The following COL24A1 variants were observed in gnomAD, a reference collection of about 807,000 sequenced individuals.
COL24A1 encodes the protein collagen type XXIV alpha 1 chain, also known as collagen alpha-1(XXIV) chain.
In COL24A1, 224 loss-of-function variants were observed where a neutral mutation model predicts 253.9. The ratio of observed to expected loss-of-function variants is 0.88; its 90% CI spans 0.79 to 0.99. The LOEUF is 0.99. COL24A1 is among the 50% of genes least tolerant of loss of function. COL24A1 has a pLI of 0.00. For synonymous variants in COL24A1, 685 were observed against 673.7 expected (o/e 1.02, Z -0.26); for missense variants, 2,131 against 2,068.5 (o/e 1.03, Z -0.59).
chr1:85,977,914 A>C (rs2100829401), intron 20 of COL24A1, among the ~76,000 whole-genome samples: 1 of 152,308 alleles, frequency 6.6e-6, no homozygotes, highest in South Asian at 2.1e-4. Flanking sequence ...ATCACCACCT[A>C]GGCACACAGT....
At chr1:85,826,411 C>G (rs1674347445) in intron 43 of COL24A1, among the ~76,000 whole-genome samples, 1 of 130,742 alleles carries the variant, frequency 7.6e-6, no homozygotes, top group African/African-American at 2.8e-5. Flanking sequence ...GATGCGGGCT[C>G]TTTTTTGGTT....
At chr1:85,904,219 T>C (rs74097609) in intron 28 of COL24A1, among the ~76,000 whole-genome samples, 2,586 of 152,288 alleles carry the variant, frequency 0.017, 80 homozygotes, top group African/African-American at 0.06. Context: ...TGTATGCCTC[T>C]ATACTGCCCC....
At chr1:86,057,720 T>G (rs1485728987) in intron 10 of COL24A1, among the ~76,000 whole-genome samples, 1 of 152,152 alleles carries the variant, frequency 6.6e-6, no homozygotes, top group East Asian at 1.9e-4. Flanking sequence ...GCTATGGAAA[T>G]AAATATAAAA....
At chr1:85,974,204 T>G (rs748572682) in intron 20 of COL24A1, among the ~76,000 whole-genome samples, 2 of 152,072 alleles carry the variant, frequency 1.3e-5, no homozygotes, top group Non-Finnish European at 2.9e-5. Context: ...AGAGAAAACT[T>G]AAACACTAAT....
intron 42 of COL24A1, 122 bp from the exon 43 acceptor site, chr1:85,838,760 G>A: frequency 2.6e-6 from 2 of 771,618 alleles, no homozygotes; most frequent in South Asian, 4.0e-5. Flanking sequence ...TATATGATTT[G>A]TTTAGTTCCA....
chr1:86,140,177 T>C (rs1443494218), intron 2 of COL24A1, among the ~76,000 whole-genome samples: 1 of 152,236 alleles, frequency 6.6e-6, no homozygotes, highest in African/African-American at 2.4e-5. Flanking sequence ...TAAGTATTAC[T>C]ATTTTCTTCA....
At chr1:86,067,305 T>G (rs988846372) in intron 7 of COL24A1, among the ~76,000 whole-genome samples, 1 of 152,164 alleles carries the variant, frequency 6.6e-6, no homozygotes, top group Non-Finnish European at 1.5e-5. Context: ...GTGGGTTGGG[T>G]AGGAGGCTAG....
At chr1:86,130,212 G>C (rs1403516870) in intron 2 of COL24A1, among the ~76,000 whole-genome samples, 2 of 151,788 alleles carry the variant, frequency 1.3e-5, no homozygotes, top group Non-Finnish European at 2.9e-5. Context: ...ACATTTGTCT[G>C]ATATACCTTT....
At chr1:85,783,397 T>A in intron 51 of COL24A1, 99 bp downstream of exon 51, 1 of 933,044 alleles carries the variant, frequency 1.1e-6, no homozygotes, top group Non-Finnish European at 1.6e-6. Flanking sequence ...AGTCATTTCA[T>A]TAAGTTATTT....
chr1:85,759,255 T>G (rs779022841), intron 55 of COL24A1, among the ~76,000 whole-genome samples: 2 of 152,174 alleles, frequency 1.3e-5, no homozygotes, highest in Non-Finnish European at 2.9e-5. Context: ...CACTCAACAT[T>G]TATTAAGAGC....
intron 20 of COL24A1, among the ~76,000 whole-genome samples, chr1:85,971,825 A>T (rs1030821262): frequency 6.6e-6 from 1 of 152,176 alleles, no homozygotes; most frequent in Non-Finnish European, 1.5e-5. Flanking sequence ...TTAGCTGAAG[A>T]ATGCATTAGT....
At chr1:85,779,605 C>G (rs1668949046) in intron 52 of COL24A1, among the ~76,000 whole-genome samples, 1 of 152,104 alleles carries the variant, frequency 6.6e-6, no homozygotes, top group Non-Finnish European at 1.5e-5. Context: ...TTTCTTATTG[C>G]TAAAAGTACT....
chr1:85,989,128 G>C (rs1368325112), intron 19 of COL24A1, among the ~76,000 whole-genome samples: 1 of 151,754 alleles, frequency 6.6e-6, no homozygotes, highest in African/African-American at 2.4e-5. Context: ...TTTTGTGGGG[G>C]GGATTTCTTG....
chr1:85,954,125 T>C (rs1183529589), intron 24 of COL24A1, among the ~76,000 whole-genome samples: 1 of 152,224 alleles, frequency 6.6e-6, no homozygotes, highest in Non-Finnish European at 1.5e-5. Flanking sequence ...GGGTACTCTC[T>C]TGTTTATTAC....
At chr1:85,972,789 C>T (rs921065448) in intron 20 of COL24A1, among the ~76,000 whole-genome samples, 1 of 152,104 alleles carries the variant, frequency 6.6e-6, no homozygotes, top group Non-Finnish European at 1.5e-5. Context: ...AACTGAAGCA[C>T]GTTTCAAACT....
chr1:86,049,101 C>T (rs1213795915), intron 11 of COL24A1, among the ~76,000 whole-genome samples: 1 of 152,142 alleles, frequency 6.6e-6, no homozygotes, highest in Non-Finnish European at 1.5e-5. Flanking sequence ...TGCTGTAGTA[C>T]ATGAAGGTTA....
chr1:86,029,508 A>G (rs1396248779), intron 14 of COL24A1, among the ~76,000 whole-genome samples: 1 of 152,298 alleles, frequency 6.6e-6, no homozygotes, highest in Non-Finnish European at 1.5e-5. Context: ...TCTAAATCCC[A>G]TACTCATGTT....
intron 25 of COL24A1, 70 bp from the exon 26 acceptor site, chr1:85,910,073 G>T: frequency 8.1e-7 from 1 of 1,239,962 alleles, no homozygotes; most frequent in Non-Finnish European, 1.2e-6. Context: ...GCTAAGCCTA[G>T]AAAGAAAAAC....
rs548419128 is a variant in COL24A1 at position 85,744,619 on chromosome 1, GATGAA to G, written c.4672+42_4672+46del. On this transcript the variant is annotated intron_variant, in intron 57 of 59. Coordinates refer to ENST00000370571, the MANE Select transcript of COL24A1 (RefSeq NM_152890.7). ...TTACAAATCTCAAACACACTGAAAT[GATGAA>G]ATGAAATTCACTATCAGAGTTTGAG... 153 of 1,464,794 alleles carry G rather than the reference GATGAA, an allele frequency of 1.0e-4. No homozygotes were observed. In the East Asian group the frequency reaches 3.2e-3, roughly 30 times the overall value. The allele number at this position is 1,464,794 out of a possible 1,614,324, so 90.7% of individuals were successfully genotyped here.
Sources: allele counts gnomAD v4.1 joint callset (sites outside exome capture counted in the v4.1 genomes callset), GRCh38; gene constraint gnomAD v4.1.1; transcripts MANE v1.5; gene names NCBI Gene and HGNC (gene_info 2026-07-23, HGNC 2026-07-21).